PDE4D: variants seen among roughly 807,000 people sequenced by gnomAD.
PDE4D encodes the protein phosphodiesterase 4D, also known as 3',5'-cyclic-AMP phosphodiesterase 4D.
Under a neutral mutation model 87.4 loss-of-function variants are expected in PDE4D, and 24 were observed. That is an observed-to-expected ratio of 0.27 (90% CI 0.20 to 0.39). The LOEUF (loss-of-function observed/expected upper bound fraction) is 0.39, where lower values mean the gene tolerates loss of function less well. Among genes scored for constraint, PDE4D ranks in the 10% least tolerant of loss-of-function variants. PDE4D has a pLI of 1.00. For synonymous variants in PDE4D, 384 were observed against 383.2 expected (o/e 1.00, Z -0.02); for missense variants, 714 against 1,041.0 (o/e 0.69, Z 4.32).
chr5:59,091,613 T>C (rs1489736930), intron 5 of PDE4D, among the ~76,000 whole-genome samples: 2 of 152,018 alleles, frequency 1.3e-5, no homozygotes, highest in East Asian at 3.9e-4. Flanking sequence ...CATGCATACA[T>C]ACGTGGTAAA....
intron 5 of PDE4D, among the ~76,000 whole-genome samples, chr5:59,085,877 T>C (rs1280910491): frequency 6.6e-6 from 1 of 152,104 alleles, no homozygotes; most frequent in Non-Finnish European, 1.5e-5. Context: ...GGGGACTGAG[T>C]GATACTTTTA....
intron 1 of PDE4D, among the ~76,000 whole-genome samples, chr5:59,631,647 C>T (rs570559681): frequency 3.3e-5 from 5 of 152,158 alleles, no homozygotes; most frequent in South Asian, 2.1e-4. Context: ...ACAAGGGGCT[C>T]GGGAACTCCC....
At chr5:60,464,567 C>T (rs577542589) in intron 1 of PDE4D, among the ~76,000 whole-genome samples, 2 of 152,264 alleles carry the variant, frequency 1.3e-5, no homozygotes, top group East Asian at 3.9e-4. Context: ...ATTCAGTGCA[C>T]TGATTGTTGC....
At chr5:60,182,193 T>C (rs1784427288) in intron 2 of PDE4D, among the ~76,000 whole-genome samples, 1 of 152,204 alleles carries the variant, frequency 6.6e-6, no homozygotes, top group Admixed American at 6.5e-5. Flanking sequence ...TCAGTAAAAT[T>C]AAAATTAGCT....
chr5:59,193,625 T>A (rs1744802569), intron 2 of PDE4D, 89 bp from the exon 3 acceptor site: 2 of 1,564,782 alleles, frequency 1.3e-6, no homozygotes, highest in Non-Finnish European at 1.7e-6. Flanking sequence ...TCCACTTTCA[T>A]GAGTTCCCAT....
At chr5:59,261,093 T>C (rs1761925317) in intron 1 of PDE4D, among the ~76,000 whole-genome samples, 1 of 151,874 alleles carries the variant, frequency 6.6e-6, no homozygotes, top group Non-Finnish European at 1.5e-5. Context: ...ATGTGGTTCA[T>C]TGTGAAAGTC....
intron 5 of PDE4D, among the ~76,000 whole-genome samples, chr5:59,100,200 A>G (rs1770497875): frequency 6.6e-6 from 1 of 152,190 alleles, no homozygotes; most frequent in South Asian, 2.1e-4. Flanking sequence ...CCACATTTCT[A>G]CATCTTTGGC....
intron 2 of PDE4D, among the ~76,000 whole-genome samples, chr5:60,068,627 T>G (rs1772371056): frequency 6.6e-6 from 1 of 152,004 alleles, no homozygotes; most frequent in African/African-American, 2.4e-5. Flanking sequence ...AGGGTCTGGA[T>G]CTGTCACTCA....
chr5:59,731,460 C>T (rs1444932623), intron 1 of PDE4D, among the ~76,000 whole-genome samples: 1 of 152,094 alleles, frequency 6.6e-6, no homozygotes, highest in Non-Finnish European at 1.5e-5. Flanking sequence ...ACTGTACTAG[C>T]CCTAGTTTGC....
At chr5:59,172,931 G>A (rs1455358160) in intron 5 of PDE4D, 1 of 151,906 alleles carries the variant, frequency 6.6e-6, no homozygotes. Flanking sequence ...ATAATGATAA[G>A]TAACATTTGT....
At chr5:60,114,895 T>C (rs1319261800) in intron 2 of PDE4D, among the ~76,000 whole-genome samples, 1 of 151,854 alleles carries the variant, frequency 6.6e-6, no homozygotes, top group Admixed American at 6.6e-5. Context: ...TATATATATA[T>C]GTATGAATAA....
intron 3 of PDE4D, among the ~76,000 whole-genome samples, chr5:59,901,964 A>ACACACG (rs1752317575): frequency 7.0e-6 from 1 of 143,524 alleles, no homozygotes; most frequent in Admixed American, 6.9e-5. Context: ...ACACACACAC[A>ACACACG]CACACACACA....
chr5:59,563,227 A>T (rs541243915), intron 1 of PDE4D, among the ~76,000 whole-genome samples: 13 of 152,264 alleles, frequency 8.5e-5, no homozygotes, highest in Non-Finnish European at 1.8e-4. Context: ...AGGTTACCAC[A>T]CAAAGTGCTT....
At chr5:59,429,869 T>A (rs942541684) in intron 1 of PDE4D, among the ~76,000 whole-genome samples, 19 of 152,186 alleles carry the variant, frequency 1.2e-4, no homozygotes, top group Admixed American at 1.1e-3. Context: ...CAAATGTTTT[T>A]GTAGAATTAT....
intron 1 of PDE4D, among the ~76,000 whole-genome samples, chr5:59,689,463 C>T (rs546022197): frequency 6.6e-6 from 1 of 152,254 alleles, no homozygotes; most frequent in South Asian, 2.1e-4. Context: ...GAACCAAAGA[C>T]AAAAGCCACA....
intron 3 of PDE4D, chr5:59,987,670 T>C (rs1363530790): frequency 2.0e-5 from 3 of 152,188 alleles, no homozygotes; most frequent in East Asian, 3.8e-4. Flanking sequence ...TAGCAAATGT[T>C]CAAGAGTCTA....
At chr5:60,385,876 A>G (rs1762157647) in intron 1 of PDE4D, among the ~76,000 whole-genome samples, 1 of 152,024 alleles carries the variant, frequency 6.6e-6, no homozygotes, top group African/African-American at 2.4e-5. Context: ...CCTTCCCTCA[A>G]TTCCTTGTAC....
chr5:59,434,425 G>T (rs1052644386), intron 1 of PDE4D, among the ~76,000 whole-genome samples: 1 of 151,936 alleles, frequency 6.6e-6, no homozygotes, highest in African/African-American at 2.4e-5. Context: ...CCCAACCCTC[G>T]TGTTTTCTGC....
At chr5:59,645,181 C>G (rs1217660384) in intron 1 of PDE4D, among the ~76,000 whole-genome samples, 1 of 152,164 alleles carries the variant, frequency 6.6e-6, no homozygotes, top group African/African-American at 2.4e-5. Context: ...TTTCCTTAGG[C>G]AAACAGATTT....
Sources: allele counts gnomAD v4.1 joint callset (sites outside exome capture counted in the v4.1 genomes callset), GRCh38; gene constraint gnomAD v4.1.1; transcripts MANE v1.5; gene names NCBI Gene and HGNC (gene_info 2026-07-23, HGNC 2026-07-21).